The following NMNAT2 variants were observed in gnomAD, a reference collection of about 807,000 sequenced individuals.
NMNAT2 encodes the protein nicotinamide nucleotide adenylyltransferase 2.
In NMNAT2, 11 loss-of-function variants were observed where a neutral mutation model predicts 41.6. That is an observed-to-expected ratio of 0.26 (90% CI 0.17 to 0.44). The LOEUF (loss-of-function observed/expected upper bound fraction) is 0.44, where lower values mean the gene tolerates loss of function less well. NMNAT2 is among the 20% of genes least tolerant of loss of function. NMNAT2 has a pLI of 1.00. For missense variants in NMNAT2, 288 were observed against 407.7 expected (o/e 0.71, Z 2.53); for synonymous variants, 148 against 151.2 (o/e 0.98, Z 0.16).
Position 183,286,280 on chromosome 1 carries a change from T to G in NMNAT2, c.448+382A>C, listed in dbSNP as rs182868484. 3.7e-3 allele frequency among the ~76,000 whole-genome samples: 567 copies of G among 151,972 alleles called. 3 individuals are homozygous for G. The highest frequency in any genetic ancestry group is 0.013 in the African/African-American group (548 of 41,432). On this transcript the variant is annotated intron_variant, in intron 5 of 10. Transcript: ENST00000287713. ...TATTATTATTATTATTTGGTACAGG[T>G]GGGGTTTCGTCATGTTGCCCAGGCT...
At chr1:183,364,294 A>G (rs953595663) in intron 1 of NMNAT2, among the ~76,000 whole-genome samples, 2 of 152,238 alleles carry the variant, frequency 1.3e-5, no homozygotes, top group Non-Finnish European at 2.9e-5. Flanking sequence ...TCACATTTCA[A>G]TGATTGCTCT....
intron 1 of NMNAT2, among the ~76,000 whole-genome samples, chr1:183,413,886 C>G (rs1006837555): frequency 3.9e-5 from 6 of 152,164 alleles, no homozygotes; most frequent in Non-Finnish European, 5.9e-5. Context: ...GGATTACAGG[C>G]ATGAGCCACC....
At chr1:183,289,154 C>T (rs1352325524) in intron 4 of NMNAT2, among the ~76,000 whole-genome samples, 1 of 152,186 alleles carries the variant, frequency 6.6e-6, no homozygotes, top group Non-Finnish European at 1.5e-5. Context: ...CCTCTGGCAG[C>T]AAGGACACAG....
At chr1:183,277,724 C>G (rs565833557) in intron 8 of NMNAT2, among the ~76,000 whole-genome samples, 1 of 152,010 alleles carries the variant, frequency 6.6e-6, no homozygotes. Context: ...TATAGTACAA[C>G]GTTTCTTTAA....
At chr1:183,325,720 T>C (rs965290384) in intron 1 of NMNAT2, among the ~76,000 whole-genome samples, 2 of 152,200 alleles carry the variant, frequency 1.3e-5, no homozygotes, top group African/African-American at 2.4e-5. Flanking sequence ...GTGCTTTCAG[T>C]ATTGAAAGAG....
intron 1 of NMNAT2, among the ~76,000 whole-genome samples, chr1:183,371,103 A>G (rs527825): frequency 0.55 from 83,605 of 152,058 alleles, 23,457 homozygotes; most frequent in East Asian, 0.7. Flanking sequence ...CAGGAGTGGT[A>G]TATGCGGACA....
intron 1 of NMNAT2, among the ~76,000 whole-genome samples, chr1:183,343,683 A>G (rs1490674893): frequency 3.3e-5 from 5 of 152,136 alleles, no homozygotes; most frequent in Non-Finnish European, 7.4e-5. Flanking sequence ...TTTTTGAAAA[A>G]GTCTCTTTAT....
At chr1:183,385,662 A>C (rs1013757410) in intron 1 of NMNAT2, among the ~76,000 whole-genome samples, 10 of 151,816 alleles carry the variant, frequency 6.6e-5, no homozygotes, top group African/African-American at 2.4e-4. Context: ...TCCTCACTTC[A>C]TCACCTCACA....
At chr1:183,347,867 C>G in intron 1 of NMNAT2, among the ~76,000 whole-genome samples, 1 of 152,166 alleles carries the variant, frequency 6.6e-6, no homozygotes, top group East Asian at 1.9e-4. Flanking sequence ...CCTTTTTATT[C>G]ATGCCAACAC....
intron 1 of NMNAT2, among the ~76,000 whole-genome samples, chr1:183,357,974 G>A (rs1233488578): frequency 6.6e-6 from 1 of 152,116 alleles, no homozygotes; most frequent in Non-Finnish European, 1.5e-5. Context: ...GCACACGTAT[G>A]TTCATTGCAG....
chr1:183,288,323 G>A lies in NMNAT2; in HGVS notation c.322-1535C>T, dbSNP rs377433636. ...TGTTAAGTCATGCATCTATCTCTGCGGCAGGTCTACTCTCCATGCAGGGAA... is the reference window on the plus strand; with the variant it reads ...TGTTAAGTCATGCATCTATCTCTGCAGCAGGTCTACTCTCCATGCAGGGAA... On this transcript the variant is annotated intron_variant, in intron 4 of 10. Transcript: ENST00000287713. Among the ~76,000 whole-genome samples, 11 of 152,254 alleles carry A rather than the reference G, an allele frequency of 7.2e-5. No homozygotes were observed. The East Asian group carries it at 1.4e-3, about 19-fold the overall frequency.
chr1:183,303,574 G>T (rs901464115), intron 1 of NMNAT2, among the ~76,000 whole-genome samples: 3 of 152,186 alleles, frequency 2.0e-5, no homozygotes, highest in African/African-American at 4.8e-5. Context: ...ATTCGATTTG[G>T]TCCTTTAGTC....
chr1:183,280,977 G>C (rs1661253048), intron 7 of NMNAT2, among the ~76,000 whole-genome samples: 1 of 151,636 alleles, frequency 6.6e-6, no homozygotes, highest in South Asian at 2.1e-4. Context: ...TAGAGATGGG[G>C]TTTCTCCATG....
intron 7 of NMNAT2, among the ~76,000 whole-genome samples, chr1:183,282,372 G>A (rs1021483336): frequency 1.3e-5 from 2 of 152,176 alleles, no homozygotes; most frequent in Non-Finnish European, 2.9e-5. Context: ...AGGTAGCCGT[G>A]AGCTAATGGA....
intron 1 of NMNAT2, among the ~76,000 whole-genome samples, chr1:183,370,346 C>T (rs559796583): frequency 5.3e-5 from 8 of 151,696 alleles, no homozygotes; most frequent in African/African-American, 1.9e-4. Flanking sequence ...CTGTGATGTG[C>T]TAAATGTCTG....
intron 8 of NMNAT2, among the ~76,000 whole-genome samples, chr1:183,272,517 C>T (rs1258323889): frequency 1.3e-5 from 2 of 152,126 alleles, no homozygotes; most frequent in African/African-American, 4.8e-5. Context: ...TCAGAATTTG[C>T]TGTGGGCTAA....
intron 1 of NMNAT2, among the ~76,000 whole-genome samples, chr1:183,413,140 T>C (rs577943742): frequency 1.6e-4 from 24 of 152,324 alleles, no homozygotes; most frequent in Admixed American, 1.3e-3. Context: ...AGTGGCTTCA[T>C]GATTAGGATG....
At chr1:183,318,625 C>T (rs1205413771) in intron 1 of NMNAT2, among the ~76,000 whole-genome samples, 7 of 152,300 alleles carry the variant, frequency 4.6e-5, no homozygotes, top group African/African-American at 1.4e-4. Flanking sequence ...AGAATCATTG[C>T]ACAACCCTGC....
intron 1 of NMNAT2, among the ~76,000 whole-genome samples, chr1:183,365,664 G>A (rs1382320117): frequency 9.9e-5 from 15 of 152,196 alleles, no homozygotes. Flanking sequence ...CTTGAACCTG[G>A]GAGGCGGAGG....
Sources: gnomAD v4.1 joint callset for allele counts (sites outside exome capture counted in the v4.1 genomes callset) on GRCh38, gnomAD v4.1.1 for gene constraint, MANE v1.5 for transcripts, NCBI Gene and HGNC (gene_info 2026-07-23, HGNC 2026-07-21) for gene names.